Variants in PROK2 observed in about 807,000 individuals in gnomAD.
The protein encoded by PROK2 is prokineticin-2.
A neutral mutation model predicts 14.2 loss-of-function variants in PROK2; 8 were observed. The observed-to-expected ratio is 0.56, with a 90% CI of 0.33 to 1.02. The LOEUF (loss-of-function observed/expected upper bound fraction) is 1.02. Among genes scored for constraint, PROK2 ranks in the 50% least tolerant of loss-of-function variants. PROK2 has a pLI of 0.03. For missense variants in PROK2, 154 were observed against 160.4 expected (o/e 0.96, Z 0.22); for synonymous variants, 59 against 60.7 (o/e 0.97, Z 0.13).
chr3:71,774,983 G>A (rs1486677562), intron 2 of PROK2, among the ~76,000 whole-genome samples: 1 of 152,142 alleles, frequency 6.6e-6, no homozygotes, highest in African/African-American at 2.4e-5. Context: ...GGGACATTTG[G>A]CAATGTCTGC....
In PROK2 at chr3:71,785,120, G is replaced by A. The variant is rs1486948567; in HGVS notation, c.-68C>T. 79 of 1,049,212 alleles carry A rather than the reference G, an allele frequency of 7.5e-5. No individual in the cohort carries two copies. The highest frequency in any genetic ancestry group is 9.3e-5 in the Non-Finnish European group (77 of 827,144). The allele number at this position is 1,049,212 out of a possible 1,614,324, so 65.0% of individuals were successfully genotyped here. On this transcript the variant is annotated 5_prime_UTR_variant, in exon 1 of 4. Coordinates refer to ENST00000295619, the MANE Select transcript of PROK2 (RefSeq NM_001126128.2). ...GCGGGGCCCGGGTGCGCTGGGTGGA[G>A]CGCGGAGCGGCGGGCGGACGGGCGC...
chr3:71,783,715 A>G (rs2050188162), intron 1 of PROK2, among the ~76,000 whole-genome samples: 1 of 152,224 alleles, frequency 6.6e-6, no homozygotes. Flanking sequence ...AAAAAATCCA[A>G]TCATGTTTCA....
rs184299411 is a variant in PROK2, at chr3:71,777,714, C to T, written c.223-3207G>A. 3.4e-3 allele frequency among the ~76,000 whole-genome samples: 518 copies of T among 152,098 alleles called. 1 individual carries two copies. The highest frequency in any genetic ancestry group is 5.6e-3 in the Non-Finnish European group (380 of 67,976). On this transcript the variant is annotated intron_variant, in intron 2 of 3. Coordinates refer to ENST00000295619, the MANE Select transcript of PROK2 (RefSeq NM_001126128.2). Reference sequence around the variant, plus strand: ...AAGCAATAAAGATTAAAGTATTAATCACATAATTATTGAATACTAAAAAGT... The same window carrying T: ...AAGCAATAAAGATTAAAGTATTAATTACATAATTATTGAATACTAAAAAGT...
rs58407323 is a variant in PROK2, at chr3:71,776,364, ATTTTTTTTT to A, written c.223-1866_223-1858del. Among the ~76,000 whole-genome samples the A allele has an allele frequency of 1.4e-3, 103 of 75,440 alleles. 2 individuals are homozygous for A. The highest frequency in any genetic ancestry group is 4.9e-3 in the African/African-American group (96 of 19,658). 49.5% of individuals were successfully genotyped at this position (75,440 alleles called of 152,430 possible). A position where few individuals can be genotyped will look rare whatever the true frequency, so the allele number is the denominator to read the frequency against. Reference sequence around the variant, plus strand: ...TTTTCTTTTTTTCTTTTCGCTTTTCATTTTTTTTTTTTTTTTTTTTTTTTTTGAGACAGA... The same window carrying A: ...TTTTCTTTTTTTCTTTTCGCTTTTCATTTTTTTTTTTTTTTTTGAGACAGA... On this transcript the variant is annotated intron_variant, in intron 2 of 3. Transcript: ENST00000295619.
chr3:71,781,946 A>G (rs770733834), intron 1 of PROK2, among the ~76,000 whole-genome samples: 12 of 152,090 alleles, frequency 7.9e-5, no homozygotes, highest in Admixed American at 2.0e-4. Context: ...TATACTACAC[A>G]TGGCCATTAG....
Position 71,772,521 on chromosome 3 carries a change from A to C in PROK2, c.*203T>G, listed in dbSNP as rs1268733464. 3 of 597,296 alleles carry C rather than the reference A, an allele frequency of 5.0e-6. No individual in the cohort carries two copies. The highest frequency in any genetic ancestry group is 5.9e-6 in the Non-Finnish European group (2 of 338,806). 37.0% of individuals were successfully genotyped at this position (597,296 alleles called of 1,614,324 possible). On this transcript the variant is annotated 3_prime_UTR_variant, in exon 4 of 4. Coordinates refer to ENST00000295619, the MANE Select transcript of PROK2 (RefSeq NM_001126128.2). ...AAGAACCAGTTCCATAATGCCTTAC[A>C]CTTCATATTTCTATCCAAAAGTAAA...
chr3:71,776,929 G>C (rs1295023038), intron 2 of PROK2, among the ~76,000 whole-genome samples: 3 of 152,172 alleles, frequency 2.0e-5, no homozygotes, highest in African/African-American at 7.2e-5. Flanking sequence ...GCAAATTCTA[G>C]AAGTTACCGA....
At chr3:71,774,391 G>A (rs2050102643) in intron 3 of PROK2, 54 bp downstream of exon 3, 4 of 1,551,262 alleles carry the variant, frequency 2.6e-6, no homozygotes, top group African/African-American at 1.4e-5. Flanking sequence ...ACAATGTAAA[G>A]GCTAATTCTT....
chr3:71,781,522 C>G lies in PROK2; in HGVS notation c.167G>C (p.Arg56Thr). ...CAVSIWVKSI[R>T]ICTPMGKLGD... ...CAGTTTGCCCATAGGTGTGCAAATCCTTATGCTCTTGACCCAGATACTGAC... is the reference window on the plus strand; with the variant it reads ...CAGTTTGCCCATAGGTGTGCAAATCGTTATGCTCTTGACCCAGATACTGAC... The change falls in exon 2 of 4, where the codon AGG becomes ACG. Residue 56 changes from arginine to threonine, a missense_variant. Physicochemically the swap from Arg to Thr is moderately conservative, Grantham distance 71. Coordinates refer to ENST00000295619, the MANE Select transcript of PROK2 (RefSeq NM_001126128.2). 6.2e-7 allele frequency: 1 copy of G among 1,613,734 alleles called. No individual in the cohort carries two copies.
rs765428526 is a variant in PROK2, at chr3:71,772,733, G to C, written c.381C>G (p.Ala127=). 5 of 1,613,480 alleles carry C rather than the reference G, an allele frequency of 3.1e-6. No individual in the cohort carries two copies. The highest frequency in any genetic ancestry group is 4.2e-6 in the Non-Finnish European group (5 of 1,179,536). ...RTSFNRFICL[A]QK ...TTCTACTCCAGAGCGATTACTTTTGGGCTAAACAAATAAATCGGTTAAATG... is the reference window on the plus strand; with the variant it reads ...TTCTACTCCAGAGCGATTACTTTTGCGCTAAACAAATAAATCGGTTAAATG... The change falls in exon 4 of 4, where the codon GCC becomes GCG. Residue 127 remains alanine (A), a synonymous_variant. Coordinates refer to ENST00000295619, the MANE Select transcript of PROK2 (RefSeq NM_001126128.2).
chr3:71,776,363 CAT>C (rs796800905), intron 2 of PROK2, among the ~76,000 whole-genome samples: 25,556 of 91,614 alleles, frequency 0.28, 5,651 homozygotes, highest in Middle Eastern at 0.42. Flanking sequence ...TTTCGCTTTT[CAT>C]TTTTTTTTTT....
chr3:71,774,647 T>A, intron 2 of PROK2, 140 bp from the exon 3 acceptor site: 1 of 1,160,416 alleles, frequency 8.6e-7, no homozygotes, highest in Non-Finnish European at 1.2e-6. Context: ...CCTTTTGCTA[T>A]GTCATGACTT....
At chr3:71,783,614 A>T (rs1336134536) in intron 1 of PROK2, among the ~76,000 whole-genome samples, 1 of 152,184 alleles carries the variant, frequency 6.6e-6, no homozygotes, top group Non-Finnish European at 1.5e-5. Context: ...TTGTCCTGTG[A>T]ATGGAACAAA....
chr3:71,775,250 T>G (rs1257586935), intron 2 of PROK2, among the ~76,000 whole-genome samples: 3 of 152,148 alleles, frequency 2.0e-5, no homozygotes, highest in Admixed American at 2.0e-4. Context: ...CAAACAGAGA[T>G]CACCAAATAT....
At chr3:71,776,364 A>ATTTT (rs58407323) in intron 2 of PROK2, among the ~76,000 whole-genome samples, 1 of 75,436 alleles carries the variant, frequency 1.3e-5, no homozygotes, top group Non-Finnish European at 2.5e-5. Context: ...TTCGCTTTTC[A>ATTTT]TTTTTTTTTT....
chr3:71,775,902 T>TA (rs2050113902), intron 2 of PROK2, among the ~76,000 whole-genome samples: 1 of 152,024 alleles, frequency 6.6e-6, no homozygotes, highest in African/African-American at 2.4e-5. Flanking sequence ...GTCTAGGAAC[T>TA]CCCCGAAGGG....
intron 2 of PROK2, among the ~76,000 whole-genome samples, chr3:71,774,808 G>A (rs2050105766): frequency 6.6e-6 from 1 of 152,098 alleles, no homozygotes; most frequent in South Asian, 2.1e-4. Flanking sequence ...GAGGAGGTGA[G>A]TACAGCTAGA....
At chr3:71,778,872 G>T (rs765915506) in intron 2 of PROK2, among the ~76,000 whole-genome samples, 13 of 152,128 alleles carry the variant, frequency 8.5e-5, no homozygotes, top group Admixed American at 2.6e-4. Flanking sequence ...CAACCAATAT[G>T]AAAAGTTAGA....
Position 71,784,876 on chromosome 3 carries a change from C to T in PROK2, c.96+81G>A, listed in dbSNP as rs541020084. 5.1e-5 allele frequency: 58 copies of T among 1,141,690 alleles called. No homozygotes were observed. In the African/African-American group the frequency reaches 6.7e-4, roughly 13 times the overall value. 70.7% of individuals were successfully genotyped at this position (1,141,690 alleles called of 1,614,324 possible). The stretch of plus-strand genomic sequence containing the variant: ...GACCCTCCCTTTGCCTCTAGCCTGC[C>T]CTTCAGGGTCCCCGTCCCAAGCCCC... On this transcript the variant is annotated intron_variant, in intron 1 of 3. Transcript: ENST00000295619.
Sources: gnomAD v4.1 joint callset for allele counts (sites outside exome capture counted in the v4.1 genomes callset) on GRCh38, gnomAD v4.1.1 for gene constraint, MANE v1.5 for transcripts, NCBI Gene and HGNC (gene_info 2026-07-23, HGNC 2026-07-21) for gene names.